The following AGMO variants were observed in gnomAD, a reference collection of about 807,000 sequenced individuals.
AGMO encodes alkylglycerol monooxygenase, also known as glyceryl-ether monooxygenase.
Under a neutral mutation model 60.2 loss-of-function variants are expected in AGMO, and 75 were observed. The ratio of observed to expected loss-of-function variants is 1.25; its 90% CI spans 1.03 to 1.51. The LOEUF (loss-of-function observed/expected upper bound fraction) is 1.51. Among genes scored for constraint, AGMO ranks in the 40% most tolerant of loss-of-function variants. The probability of loss-of-function intolerance (pLI) is 0.00; values close to 1 mark genes in which losing one functional copy is unlikely to be tolerated. For missense variants in AGMO, 763 were observed against 525.5 expected, an observed-to-expected ratio of 1.45 and a Z score of -4.42; for synonymous variants, 261 against 177.1, an observed-to-expected ratio of 1.47 and a Z score of -3.76.
chr7:15,307,628 T>G (rs1780654724), intron 12 of AGMO, among the ~76,000 whole-genome samples: 4 of 152,054 alleles, frequency 2.6e-5, no homozygotes, highest in Admixed American at 2.6e-4. Flanking sequence ...GGTGATTGCT[T>G]CTATGCATAT....
chr7:15,389,683 C>G (rs1784059990), intron 8 of AGMO, among the ~76,000 whole-genome samples: 1 of 152,128 alleles, frequency 6.6e-6, no homozygotes, highest in South Asian at 2.1e-4. Context: ...TTCAATCCAC[C>G]TTGGTTAAGT....
chr7:15,453,823 A>C (rs1324699209), intron 3 of AGMO, among the ~76,000 whole-genome samples: 1 of 152,048 alleles, frequency 6.6e-6, no homozygotes, highest in African/African-American at 2.4e-5. Context: ...CAGCTCCACT[A>C]TCTAAGTTGC....
chr7:15,448,286 A>T (rs1781757597), intron 3 of AGMO, among the ~76,000 whole-genome samples: 1 of 152,124 alleles, frequency 6.6e-6, no homozygotes, highest in Non-Finnish European at 1.5e-5. Flanking sequence ...AGGGAACGGG[A>T]TTAGTGCCCT....
chr7:15,391,816 G>T (rs930960799), intron 6 of AGMO, among the ~76,000 whole-genome samples: 25 of 152,252 alleles, frequency 1.6e-4, no homozygotes, highest in East Asian at 3.9e-4. Flanking sequence ...CTGGAGACAT[G>T]AGTAGCCACA....
intron 12 of AGMO, among the ~76,000 whole-genome samples, chr7:15,344,646 C>T (rs780992294): frequency 2.6e-5 from 4 of 152,090 alleles, no homozygotes; most frequent in Non-Finnish European, 4.4e-5. Context: ...TGCAGTGAGT[C>T]GTGATGGTAC....
chr7:15,393,988 C>T, intron 6 of AGMO, 125 bp downstream of exon 6: 2 of 404,650 alleles, frequency 4.9e-6, no homozygotes, highest in Non-Finnish European at 7.8e-6. Flanking sequence ...AAAGAAGAAA[C>T]TATTATTTAT....
chr7:15,552,791 T>A (rs1221373404), intron 2 of AGMO, among the ~76,000 whole-genome samples: 4 of 149,838 alleles, frequency 2.7e-5, no homozygotes, highest in African/African-American at 9.8e-5. Context: ...GAACTAGAAA[T>A]ACCATTTGAC....
At chr7:15,431,461 A>C (rs1781237687) in intron 3 of AGMO, among the ~76,000 whole-genome samples, 1 of 151,898 alleles carries the variant, frequency 6.6e-6, no homozygotes. Context: ...CAATACATTC[A>C]ACGGATAGTG....
At chr7:15,295,659 C>T (rs1434576934) in intron 12 of AGMO, among the ~76,000 whole-genome samples, 3 of 151,982 alleles carry the variant, frequency 2.0e-5, no homozygotes, top group Non-Finnish European at 2.9e-5. Context: ...GGGCAACTAT[C>T]ATTCATGAAA....
intron 12 of AGMO, among the ~76,000 whole-genome samples, chr7:15,315,478 C>T (rs778804915): frequency 6.6e-6 from 1 of 151,782 alleles, no homozygotes; most frequent in South Asian, 2.1e-4. Context: ...GCTGGGATTA[C>T]AGGCATGCGC....
chr7:15,354,486 A>G lies in AGMO; in HGVS notation c.1263+11028T>C, dbSNP rs1181670102. ...CGTGTGTGTATACACACGTGTGTATATACACACGTGTATATATATATATAT... is the reference window on the plus strand; with the variant it reads ...CGTGTGTGTATACACACGTGTGTATGTACACACGTGTATATATATATATAT... On this transcript the variant is annotated intron_variant, in intron 12 of 12. Transcript: ENST00000342526. Among the ~76,000 whole-genome samples the G allele has an allele frequency of 1.2e-3, 28 of 23,522 alleles. 2 individuals are homozygous for G. The highest frequency in any genetic ancestry group is 4.9e-3 in the African/African-American group (23 of 4,668). 15.4% of individuals were successfully genotyped at this position (23,522 alleles called of 152,430 possible). A position where few individuals can be genotyped will look rare whatever the true frequency, so the allele number is the denominator to read the frequency against.
At chr7:15,198,271 G>C (rs994197124), downstream of AGMO, among the ~76,000 whole-genome samples, 10 of 111,924 alleles carry the variant, frequency 8.9e-5, no homozygotes, top group African/African-American at 3.6e-4. Flanking sequence ...GACAGAGAGA[G>C]AGTGTGTTAA....
chr7:15,230,828 C>T (rs75582177), intron 12 of AGMO, among the ~76,000 whole-genome samples: 5,598 of 152,148 alleles, frequency 0.037, 150 homozygotes, highest in Non-Finnish European at 0.047. Flanking sequence ...TTTGGGACTC[C>T]CTCAATATTG....
At chr7:15,187,751 T>C in the AGMO span, among the ~76,000 whole-genome samples, 2 of 152,124 alleles carry the variant, frequency 1.3e-5, no homozygotes, top group South Asian at 4.1e-4. Flanking sequence ...CCAGAGCTCA[T>C]TCACCATGCA....
chr7:15,189,759 G>A, the AGMO span, among the ~76,000 whole-genome samples: 1 of 151,550 alleles, frequency 6.6e-6, no homozygotes, highest in Non-Finnish European at 1.5e-5. Flanking sequence ...CGAGCGCTGA[G>A]ATGTAACAAT....
At chr7:15,230,731 G>A (rs1782235490) in intron 12 of AGMO, among the ~76,000 whole-genome samples, 1 of 151,984 alleles carries the variant, frequency 6.6e-6, no homozygotes, top group Non-Finnish European at 1.5e-5. Context: ...TCCCCACTCT[G>A]ACTCGGTCCA....
rs76022455 is a variant in AGMO, at chr7:15,456,618, C to T, written c.410-25510G>A. Reference sequence around the variant, plus strand: ...TTCTCCTGAGTAAGGAAATAGTTCGCTCAGCTGTGCTGACAATCTGGGGAT... The same window carrying T: ...TTCTCCTGAGTAAGGAAATAGTTCGTTCAGCTGTGCTGACAATCTGGGGAT... On this transcript the variant is annotated intron_variant, in intron 3 of 12. Transcript: ENST00000342526. Among the ~76,000 whole-genome samples the T allele has an allele frequency of 1.2e-3, 187 of 152,248 alleles. 4 individuals carry two copies. The East Asian group carries it at 0.03, about 25-fold the overall frequency.
At chr7:15,448,712 A>T (rs1200213552) in intron 3 of AGMO, among the ~76,000 whole-genome samples, 1 of 151,932 alleles carries the variant, frequency 6.6e-6, no homozygotes, top group Non-Finnish European at 1.5e-5. Context: ...TAAGAACACT[A>T]TAAATCCACT....
intron 3 of AGMO, among the ~76,000 whole-genome samples, chr7:15,431,501 C>T (rs534342807): frequency 2.6e-5 from 4 of 151,626 alleles, no homozygotes; most frequent in Non-Finnish European, 5.9e-5. Flanking sequence ...TAACATGTTT[C>T]TAACTAAAGA....
Sources: allele counts gnomAD v4.1 joint callset (sites outside exome capture counted in the v4.1 genomes callset), GRCh38; gene constraint gnomAD v4.1.1; transcripts MANE v1.5; gene names NCBI Gene and HGNC (gene_info 2026-07-23, HGNC 2026-07-21).